The following KPNA5 variants were observed in gnomAD, a reference collection of about 807,000 sequenced individuals.
The protein encoded by KPNA5 is karyopherin subunit alpha 5.
A neutral mutation model predicts 71.3 loss-of-function variants in KPNA5; 46 were observed. The observed-to-expected ratio is 0.65, with a 90% CI of 0.51 to 0.83. KPNA5 has a LOEUF of 0.83. Ranked by LOEUF, KPNA5 falls within the 40% of genes least tolerant of loss-of-function variation. KPNA5 has a pLI of 0.00. For missense variants in KPNA5, 547 were observed against 628.3 expected (o/e 0.87, Z 1.38); for synonymous variants, 207 against 201.4 (o/e 1.03, Z -0.24).
At chr6:116,720,837 A>G (rs1779079202) in intron 8 of KPNA5, among the ~76,000 whole-genome samples, 1 of 152,220 alleles carries the variant, frequency 6.6e-6, no homozygotes, top group African/African-American at 2.4e-5. Flanking sequence ...AAACAAAACA[A>G]AAAACGAAAA....
At chr6:116,683,717 C>T (rs1057282749) in intron 1 of KPNA5, among the ~76,000 whole-genome samples, 24 of 151,806 alleles carry the variant, frequency 1.6e-4, no homozygotes, top group African/African-American at 5.8e-4. Context: ...CCTGCCTCAG[C>T]CTCCTGAGTA....
intron 8 of KPNA5, among the ~76,000 whole-genome samples, chr6:116,716,580 C>A (rs928914199): frequency 2.0e-5 from 3 of 152,192 alleles, no homozygotes; most frequent in African/African-American, 7.2e-5. Context: ...CAGAAATCTT[C>A]TAGTCTAGCT....
In KPNA5 at chr6:116,696,021, A is replaced by AT. The variant is rs535407134; in HGVS notation, c.341-2676dup. 2.0e-5 allele frequency among the ~76,000 whole-genome samples: 3 copies of AT among 152,074 alleles called. 1 individual carries two copies. Among genetic ancestry groups the AT allele is most frequent in the East Asian group, 3.9e-4 (2 of 5,192 alleles). ...ATTCTAGGAAAATTGCATTGGTACA[A>AT]TTTTTTTAAGCCTTTATATGTCTAA... On this transcript the variant is annotated intron_variant, in intron 4 of 13. Transcript: ENST00000368564.
intron 1 of KPNA5, 62 bp from the exon 2 acceptor site, chr6:116,689,258 G>T (rs1382438736): frequency 1.3e-6 from 2 of 1,537,354 alleles, no homozygotes; most frequent in Non-Finnish European, 1.8e-6. Flanking sequence ...TAGATTAAGT[G>T]TCTCATGTTG....
At chr6:116,732,076 A>ATATT (rs1779508284) in intron 13 of KPNA5, 60 bp from the exon 14 acceptor site, 1 of 28,440 alleles carries the variant, frequency 3.5e-5, no homozygotes, top group African/African-American at 2.1e-4. Context: ...CAGTTTGTTT[A>ATATT]TATATATATA....
At chr6:116,715,533 CAA>C (rs1171923234) in intron 7 of KPNA5, among the ~76,000 whole-genome samples, 2 of 152,122 alleles carry the variant, frequency 1.3e-5, no homozygotes, top group African/African-American at 4.8e-5. Flanking sequence ...AAAAACACAA[CAA>C]AAGAACTTCT....
chr6:116,724,527 C>T (rs60931389), intron 10 of KPNA5, 152 bp downstream of exon 10: 18,432 of 558,738 alleles, frequency 0.033, 603 homozygotes, highest in African/African-American at 0.12. Flanking sequence ...GGTGAGATGT[C>T]AAAGAAGATG....
chr6:116,728,835 T>C (rs1042770305), intron 12 of KPNA5, among the ~76,000 whole-genome samples: 2 of 152,104 alleles, frequency 1.3e-5, no homozygotes, highest in African/African-American at 4.8e-5. Flanking sequence ...CCTGGCTTCA[T>C]AGTATGTTTT....
At chr6:116,701,381 A>T (rs1232706736) in intron 5 of KPNA5, among the ~76,000 whole-genome samples, 2 of 152,052 alleles carry the variant, frequency 1.3e-5, no homozygotes, top group Admixed American at 6.6e-5. Flanking sequence ...GAATTTTCTC[A>T]GTTGCTTTTA....
In KPNA5 at chr6:116,735,754, G is replaced by GA. The variant is rs1216243890; in HGVS notation, c.*3437dup. The GA allele has an allele frequency of 6.6e-6, 1 of 151,182 alleles. No individual in the cohort carries two copies. Among genetic ancestry groups the GA allele is most frequent in the East Asian group, 1.9e-4 (1 of 5,184 alleles). 9.4% of individuals were successfully genotyped at this position (151,182 alleles called of 1,614,324 possible). On this transcript the variant is annotated 3_prime_UTR_variant, in exon 14 of 14. Coordinates refer to ENST00000368564, the MANE Select transcript of KPNA5 (RefSeq NM_001366306.2). ...TTTACTTTCTAAAACTAACAAAGGA[G>GA]AAAAAATAGAATTATAAAAAATAGC...
chr6:116,713,971 T>A (rs931596024), intron 7 of KPNA5, among the ~76,000 whole-genome samples: 2 of 152,196 alleles, frequency 1.3e-5, no homozygotes, highest in Non-Finnish European at 2.9e-5. Flanking sequence ...GCATAGGTCC[T>A]TTAGCTCTTT....
intron 7 of KPNA5, among the ~76,000 whole-genome samples, chr6:116,715,071 A>C (rs1778832677): frequency 6.6e-6 from 1 of 152,170 alleles, no homozygotes; most frequent in African/African-American, 2.4e-5. Flanking sequence ...TCAGAGTTCT[A>C]ATAAACTTGA....
chr6:116,681,349 G>A lies in KPNA5; in HGVS notation c.4+11G>A, dbSNP rs1309235114. The A allele has an allele frequency of 1.9e-6, 3 of 1,595,800 alleles. No individual in the cohort carries two copies. Among genetic ancestry groups the A allele is most frequent in the Non-Finnish European group, 2.6e-6 (3 of 1,169,828 alleles). On this transcript the variant is annotated intron_variant, in intron 1 of 13. Coordinates refer to ENST00000368564, the MANE Select transcript of KPNA5 (RefSeq NM_001366306.2). ...GTGCCACATTAATGGGTAAGTTGGA[G>A]TGAACACGGGCTAGGTTGGGGGAGC...
chr6:116,721,399 C>T (rs6568962), intron 8 of KPNA5, among the ~76,000 whole-genome samples: 34,610 of 151,774 alleles, frequency 0.23, 4,042 homozygotes, highest in East Asian at 0.3. Context: ...GTTATCTACC[C>T]GCCTCGGCCT....
chr6:116,705,009 C>T (rs1342519678), intron 6 of KPNA5, 63 bp from the exon 7 acceptor site: 3 of 1,168,768 alleles, frequency 2.6e-6, no homozygotes, highest in Non-Finnish European at 3.7e-6. Flanking sequence ...ACTAAAATCT[C>T]ATTCCTAAAG....
intron 5 of KPNA5, 87 bp from the exon 6 acceptor site, chr6:116,701,932 G>T: frequency 5.9e-6 from 7 of 1,190,082 alleles, no homozygotes; most frequent in Non-Finnish European, 8.2e-6. Flanking sequence ...ACTTGTCCTG[G>T]CAGGTCTTTA....
chr6:116,700,187 AT>A (rs1290859732), intron 5 of KPNA5, among the ~76,000 whole-genome samples: 16 of 152,054 alleles, frequency 1.1e-4, no homozygotes, highest in Admixed American at 1.0e-3. Flanking sequence ...GTGTGGGAAG[AT>A]TTGCTGGGCG....
Position 116,741,723 on chromosome 6 carries a change from C to CA in KPNA5, c.*9406dup, listed in dbSNP as rs1372698646. On this transcript the variant is annotated 3_prime_UTR_variant, in exon 14 of 14. Coordinates refer to ENST00000368564, the MANE Select transcript of KPNA5 (RefSeq NM_001366306.2). ...CTGGGATTTACTGTTAAAAAACAAA[C>CA]AAAAAACAACAAAAAAGCGGTGACA... is the stretch of plus-strand genomic sequence containing the variant. 2.0e-5 allele frequency: 3 copies of CA among 152,062 alleles called. No homozygotes were observed. Among genetic ancestry groups the CA allele is most frequent in the Non-Finnish European group, 1.5e-5 (1 of 67,910 alleles). 9.4% of individuals were successfully genotyped at this position (152,062 alleles called of 1,614,324 possible).
At chr6:116,731,948 C>T (rs765261870) in intron 13 of KPNA5, among the ~76,000 whole-genome samples, 188 bp from the exon 14 acceptor site, 26 of 151,156 alleles carry the variant, frequency 1.7e-4, no homozygotes, top group Non-Finnish European at 3.2e-4. Flanking sequence ...AAGTATAAAT[C>T]GTAAGTGATG....
Sources: gnomAD v4.1 joint callset for allele counts (sites outside exome capture counted in the v4.1 genomes callset) on GRCh38, gnomAD v4.1.1 for gene constraint, MANE v1.5 for transcripts, NCBI Gene and HGNC (gene_info 2026-07-23, HGNC 2026-07-21) for gene names.